SRPK2: variants seen among roughly 807,000 people sequenced by gnomAD.
SRPK2 encodes SFRS protein kinase 2.
SRPK2 carries 21 observed loss-of-function variants against 90.8 expected under a neutral mutation model. That is an observed-to-expected ratio of 0.23 (90% CI 0.16 to 0.33). The LOEUF is 0.33. Ranked by LOEUF, SRPK2 falls within the 10% of genes least tolerant of loss-of-function variation. SRPK2 has a pLI of 1.00. For synonymous variants in SRPK2, 288 were observed against 311.1 expected (o/e 0.93, Z 0.78); for missense variants, 620 against 869.0 (o/e 0.71, Z 3.60).
At chr7:105,233,256 G>T (rs865800116) in intron 2 of SRPK2, among the ~76,000 whole-genome samples, 1 of 152,048 alleles carries the variant, frequency 6.6e-6, no homozygotes, top group South Asian at 2.1e-4. Flanking sequence ...ACACCTAATC[G>T]CATCTGAAAC....
At chr7:105,299,500 T>C (rs996613223) in intron 2 of SRPK2, among the ~76,000 whole-genome samples, 1 of 152,214 alleles carries the variant, frequency 6.6e-6, no homozygotes, top group African/African-American at 2.4e-5. Flanking sequence ...AAATTAAATA[T>C]ATTCATCTTT....
At chr7:105,305,514 C>T (rs1000612106) in intron 2 of SRPK2, among the ~76,000 whole-genome samples, 3 of 152,162 alleles carry the variant, frequency 2.0e-5, no homozygotes, top group African/African-American at 7.2e-5. Context: ...AGAGAAATAA[C>T]TTTATTTAAA....
intron 2 of SRPK2, among the ~76,000 whole-genome samples, chr7:105,331,326 A>AAAC (rs1814341442): frequency 6.9e-6 from 1 of 144,438 alleles, no homozygotes; most frequent in African/African-American, 2.5e-5. Flanking sequence ...AAAAAAAAAA[A>AAAC]AAAAAAAAAA....
At chr7:105,391,865 C>T (rs1385467764), upstream of SRPK2, among the ~76,000 whole-genome samples, 2 of 152,122 alleles carry the variant, frequency 1.3e-5, no homozygotes, top group East Asian at 3.8e-4. Context: ...TATATATGCA[C>T]AAGGACTGAA....
intron 2 of SRPK2, among the ~76,000 whole-genome samples, chr7:105,329,299 G>A (rs1216306035): frequency 6.6e-6 from 1 of 152,140 alleles, no homozygotes; most frequent in Non-Finnish European, 1.5e-5. Context: ...ATGTACTAAT[G>A]TGGATGGATA....
intron 2 of SRPK2, among the ~76,000 whole-genome samples, chr7:105,269,718 G>T (rs576858246): frequency 6.6e-6 from 1 of 152,306 alleles, no homozygotes; most frequent in African/African-American, 2.4e-5. Context: ...AAAAGATAAG[G>T]AGACAATCTA....
At chr7:105,214,158 A>G (rs977810474) in intron 2 of SRPK2, among the ~76,000 whole-genome samples, 22 of 152,326 alleles carry the variant, frequency 1.4e-4, no homozygotes, top group African/African-American at 2.9e-4. Flanking sequence ...GAACATTTCT[A>G]TCACCACAGA....
intron 11 of SRPK2, among the ~76,000 whole-genome samples, chr7:105,134,292 G>C (rs937480698): frequency 2.0e-5 from 3 of 152,068 alleles, no homozygotes; most frequent in Non-Finnish European, 4.4e-5. Context: ...TCGTGATACT[G>C]AGTGAGTTCT....
upstream of SRPK2, chr7:105,389,150 C>G: frequency 9.9e-7 from 1 of 1,014,700 alleles, no homozygotes; most frequent in Non-Finnish European, 1.2e-6. Context: ...GCCTCCGCCT[C>G]CTGCGATCCT....
chr7:105,358,223 C>CAA (rs976713048), intron 2 of SRPK2, among the ~76,000 whole-genome samples: 1,511 of 52,184 alleles, frequency 0.029, 69 homozygotes, highest in Middle Eastern at 0.041. Flanking sequence ...GACTCCGTCT[C>CAA]AAAAAAAAAA....
intron 2 of SRPK2, among the ~76,000 whole-genome samples, chr7:105,387,581 C>A (rs572516409): frequency 1.3e-5 from 2 of 149,376 alleles, no homozygotes; most frequent in South Asian, 4.2e-4. Context: ...CCAAGGCCAA[C>A]GAGAAGGGGA....
intron 2 of SRPK2, among the ~76,000 whole-genome samples, chr7:105,236,619 G>A (rs1800177937): frequency 6.6e-6 from 1 of 152,034 alleles, no homozygotes; most frequent in Non-Finnish European, 1.5e-5. Context: ...TCCAAGATGA[G>A]AAATTCAGAA....
chr7:105,179,467 G>A (rs1031953642), intron 3 of SRPK2, among the ~76,000 whole-genome samples: 2 of 152,274 alleles, frequency 1.3e-5, no homozygotes, highest in East Asian at 1.9e-4. Flanking sequence ...AGCATAATCC[G>A]ATTCACTACA....
chr7:105,355,288 G>C lies in SRPK2; in HGVS notation c.71+33360C>G, dbSNP rs527498483. Among the ~76,000 whole-genome samples the C allele has an allele frequency of 1.4e-3, 205 of 151,782 alleles. 1 individual carries two copies. The highest frequency in any genetic ancestry group is 3.8e-4 in the Non-Finnish European group (26 of 67,982). On this transcript the variant is annotated intron_variant, in intron 2 of 15. Coordinates refer to ENST00000393651, the MANE Select transcript of SRPK2 (RefSeq NM_182692.3). ...CAGCAGGAGGAGTGCTAGAGACCAGGAGTTCAAGACTAGCCTGCGCAACAC... is the reference window on the plus strand; with the variant it reads ...CAGCAGGAGGAGTGCTAGAGACCAGCAGTTCAAGACTAGCCTGCGCAACAC...
intron 3 of SRPK2, among the ~76,000 whole-genome samples, chr7:105,187,936 T>C (rs1362669179): frequency 6.6e-6 from 1 of 152,174 alleles, no homozygotes; most frequent in Non-Finnish European, 1.5e-5. Flanking sequence ...ATAGGATTGC[T>C]GGTGGGAATA....
At chr7:105,268,797 T>TA (rs772881665) in intron 2 of SRPK2, 2 of 1,595,588 alleles carry the variant, frequency 1.3e-6, no homozygotes, top group South Asian at 2.2e-5. Flanking sequence ...GCAAGAGATG[T>TA]AGCTGTACCT....
chr7:105,151,411 A>G (rs771457514), intron 7 of SRPK2, among the ~76,000 whole-genome samples: 1 of 152,256 alleles, frequency 6.6e-6, no homozygotes, highest in Non-Finnish European at 1.5e-5. Flanking sequence ...AGCTTTAGAA[A>G]TAATCTACGG....
At chr7:105,217,538 G>C (rs1797618240) in intron 2 of SRPK2, among the ~76,000 whole-genome samples, 1 of 152,172 alleles carries the variant, frequency 6.6e-6, no homozygotes, top group Admixed American at 6.5e-5. Context: ...TGACAGAGCA[G>C]GACTAAAGCC....
chr7:105,173,008 G>A (rs1165125723), intron 3 of SRPK2, among the ~76,000 whole-genome samples: 1 of 152,178 alleles, frequency 6.6e-6, no homozygotes, highest in Non-Finnish European at 1.5e-5. Flanking sequence ...TTTCTCAAGG[G>A]CTTTGAAAGC....
Sources: allele counts gnomAD v4.1 joint callset (sites outside exome capture counted in the v4.1 genomes callset), GRCh38; gene constraint gnomAD v4.1.1; transcripts MANE v1.5; gene names NCBI Gene and HGNC (gene_info 2026-07-23, HGNC 2026-07-21).